The following HOOK1 variants were observed in gnomAD, a reference collection of about 807,000 sequenced individuals.
The protein encoded by HOOK1 is protein Hook homolog 1.
Under a neutral mutation model 112.8 loss-of-function variants are expected in HOOK1, and 60 were observed. The observed-to-expected ratio is 0.53, with a 90% confidence interval of 0.43 to 0.66. HOOK1 has a LOEUF of 0.66. HOOK1 is among the 30% of genes least tolerant of loss of function. The pLI is 0.00. For synonymous variants in HOOK1, 294 were observed against 283.8 expected (o/e 1.04, Z -0.36); for missense variants, 770 against 856.0 (o/e 0.90, Z 1.25).
rs76365562 is a variant in HOOK1, at chr1:59,847,864, G to A, written c.930-451G>A. Among the ~76,000 whole-genome samples, 465 of 151,712 alleles carry A rather than the reference G, an allele frequency of 3.1e-3. 4 individuals are homozygous for A. Among genetic ancestry groups the A allele is most frequent in the Non-Finnish European group, 2.1e-3 (141 of 67,670 alleles). On this transcript the variant is annotated intron_variant, in intron 10 of 21. Coordinates refer to ENST00000371208, the MANE Select transcript of HOOK1 (RefSeq NM_015888.6). Reference sequence around the variant, plus strand: ...AAGTCAGGTAAGCACAACTCCAAAGGGAAGTGCTTTGCCTGACAAGTTTAT... The same window carrying A: ...AAGTCAGGTAAGCACAACTCCAAAGAGAAGTGCTTTGCCTGACAAGTTTAT...
At chr1:59,830,283 T>C (rs1559045919) in intron 3 of HOOK1, among the ~76,000 whole-genome samples, 1 of 152,120 alleles carries the variant, frequency 6.6e-6, no homozygotes, top group African/African-American at 2.4e-5. Flanking sequence ...ATAGACTCTG[T>C]AGAGAGCCCT....
chr1:59,836,358 T>C (rs554235476), intron 6 of HOOK1, among the ~76,000 whole-genome samples: 1 of 152,190 alleles, frequency 6.6e-6, no homozygotes, highest in Non-Finnish European at 1.5e-5. Context: ...ACAGGACTTT[T>C]GTAGTCTGTA....
chr1:59,833,444 T>C lies in HOOK1; in HGVS notation c.313T>C (p.Leu105=). The change falls in exon 5 of 22, where the codon TTA becomes CTA. Residue 105 remains leucine (L), a synonymous_variant. Transcript: ENST00000371208. ...GATTTCAGAAGCACTTATCCCTGAT[T>C]TAAACCAAATAACCGAATGTTCAGA... ...QQISEALIPD[L]NQITECSDPV... 4 of 1,573,752 alleles carry C rather than the reference T, an allele frequency of 2.5e-6. No homozygotes were observed. Among genetic ancestry groups the C allele is most frequent in the Non-Finnish European group, 3.5e-6 (4 of 1,154,132 alleles).
intron 3 of HOOK1, among the ~76,000 whole-genome samples, chr1:59,831,566 A>G (rs1287101352): frequency 1.3e-5 from 2 of 152,278 alleles, no homozygotes; most frequent in East Asian, 3.9e-4. Flanking sequence ...TGCTCATTCC[A>G]TAGCTCCCAT....
chr1:59,868,403 A>G lies in HOOK1; in HGVS notation c.1947+52A>G, dbSNP rs765008648. 4 of 1,003,402 alleles carry G rather than the reference A, an allele frequency of 4.0e-6. No individual in the cohort carries two copies. The African/African-American group carries it at 4.9e-5, about 12-fold the overall frequency. The allele number at this position is 1,003,402 out of a possible 1,614,324, so 62.2% of individuals were successfully genotyped here. A position where few individuals can be genotyped will look rare whatever the true frequency, so the allele number is the denominator to read the frequency against. Reference sequence around the variant, plus strand: ...TTAGTTATTTTGTAGAATCCTGGTAATTAACTGCTGTCATATATTTGTCAT... The same window carrying G: ...TTAGTTATTTTGTAGAATCCTGGTAGTTAACTGCTGTCATATATTTGTCAT... On this transcript the variant is annotated intron_variant, in intron 20 of 21. Coordinates refer to ENST00000371208, the MANE Select transcript of HOOK1 (RefSeq NM_015888.6).
Position 59,840,329 on chromosome 1 carries a change from C to A in HOOK1, c.559C>A (p.Leu187Ile). Residue 187 changes from leucine (L) to isoleucine (I), a missense_variant, in exon 8 of 22, where the codon CTT (leucine) becomes ATT (isoleucine). Transcript: ENST00000371208. ...TCAGCTTAAAAGAGCCTTGGAAGAACTTCAGGAAGCACTAGCAGAAAAAGA... is the reference window on the plus strand; with the variant it reads ...TCAGCTTAAAAGAGCCTTGGAAGAAATTCAGGAAGCACTAGCAGAAAAAGA... ...EQQLKRALEE[L>I]QEALAEKEEL... The A allele has an allele frequency of 6.3e-7, 1 of 1,592,564 alleles. No homozygotes were observed.
At chr1:59,820,182 A>G (rs1167817022) in intron 1 of HOOK1, among the ~76,000 whole-genome samples, 1 of 152,218 alleles carries the variant, frequency 6.6e-6, no homozygotes, top group Non-Finnish European at 1.5e-5. Context: ...AGATTCTGAT[A>G]CATATTGTTT....
chr1:59,832,082 GT>G, intron 3 of HOOK1, 80 bp from the exon 4 acceptor site: 1 of 759,416 alleles, frequency 1.3e-6, no homozygotes, highest in Middle Eastern at 2.4e-4. Flanking sequence ...TTAGGGGAAA[GT>G]TTTTATTGTC....
intron 9 of HOOK1, among the ~76,000 whole-genome samples, chr1:59,845,043 TAGAC>T (rs1370061319): frequency 2.6e-5 from 4 of 151,964 alleles, no homozygotes; most frequent in African/African-American, 9.7e-5. Flanking sequence ...CAAAATACCT[TAGAC>T]AGGGTAATTT....
In HOOK1 at chr1:59,875,816, G is replaced by T. The variant is rs1177521568; in HGVS notation, c.*2851G>T. The T allele has an allele frequency of 2.0e-5, 3 of 152,222 alleles. No homozygotes were observed. Among genetic ancestry groups the T allele is most frequent in the Non-Finnish European group, 4.4e-5 (3 of 68,032 alleles). The allele number at this position is 152,222 out of a possible 1,614,324, so 9.4% of individuals were successfully genotyped here. A position where few individuals can be genotyped will look rare whatever the true frequency, so the allele number is the denominator to read the frequency against. On this transcript the variant is annotated 3_prime_UTR_variant, in exon 22 of 22. Transcript: ENST00000371208. ...GTTTATTTTTTCGATGAATAAGGCT[G>T]TCAAATGATTTAGTATAGATTAATG...
At chr1:59,872,563 G>GT (rs1644072708) in intron 21 of HOOK1, among the ~76,000 whole-genome samples, 1 of 152,100 alleles carries the variant, frequency 6.6e-6, no homozygotes, top group African/African-American at 2.4e-5. Flanking sequence ...TTAAGTTACT[G>GT]TTTTAAATAA....
intron 16 of HOOK1, among the ~76,000 whole-genome samples, chr1:59,864,152 T>C (rs992974070): frequency 6.6e-5 from 10 of 151,944 alleles, no homozygotes; most frequent in Non-Finnish European, 1.0e-4. Context: ...AGTTGCTTCA[T>C]TTTGGTGTTA....
chr1:59,823,428 G>C (rs2098387361), intron 2 of HOOK1, among the ~76,000 whole-genome samples: 3 of 152,220 alleles, frequency 2.0e-5, no homozygotes. Context: ...CTTTTCTCAT[G>C]ATTTGAGAAA....
At chr1:59,815,339 G>T in intron 1 of HOOK1, 159 bp downstream of exon 1, 1 of 675,156 alleles carries the variant, frequency 1.5e-6, no homozygotes, top group South Asian at 1.9e-5. Flanking sequence ...GCCACCTGCG[G>T]GTCGACGGGC....
At position 59,876,221 on chromosome 1, in the gene HOOK1, T is replaced by C. The variant is rs1644125063; in HGVS notation, c.*3256T>C. ...AGCTTATAAAAGGTCCTTTCTATTT[T>C]CTATGGCAAAGACTTTGACACTTGA... is the stretch of plus-strand genomic sequence containing the variant. On this transcript the variant is annotated 3_prime_UTR_variant, in exon 22 of 22. Transcript: ENST00000371208. The C allele has an allele frequency of 6.5e-6, 1 of 152,680 alleles. No individual in the cohort carries two copies. Among genetic ancestry groups the C allele is most frequent in the Non-Finnish European group, 1.5e-5 (1 of 68,042 alleles). 9.5% of individuals were successfully genotyped at this position (152,680 alleles called of 1,614,324 possible). A position where few individuals can be genotyped will look rare whatever the true frequency, so the allele number is the denominator to read the frequency against.
intron 8 of HOOK1, among the ~76,000 whole-genome samples, chr1:59,843,155 C>T (rs959211800): frequency 1.3e-5 from 2 of 151,576 alleles, no homozygotes; most frequent in Admixed American, 6.6e-5. Context: ...GACTTGAAAA[C>T]ATTTTCTTCC....
At chr1:59,832,499 A>T (rs2098394730) in intron 4 of HOOK1, among the ~76,000 whole-genome samples, 2 of 152,154 alleles carry the variant, frequency 1.3e-5, no homozygotes, top group Non-Finnish European at 2.9e-5. Flanking sequence ...TATAAAGTAG[A>T]CTTTATAATT....
Position 59,840,272 on chromosome 1 carries a change from A to G in HOOK1, c.538-36A>G. The G allele has an allele frequency of 2.8e-6, 4 of 1,437,260 alleles. No homozygotes were observed. In the South Asian group the frequency reaches 4.2e-5, roughly 15 times the overall value. 89.0% of individuals were successfully genotyped at this position (1,437,260 alleles called of 1,614,324 possible). On this transcript the variant is annotated intron_variant, in intron 7 of 21. Coordinates refer to ENST00000371208, the MANE Select transcript of HOOK1 (RefSeq NM_015888.6). ...TATTTTTCTATATTTGTGTCAAAAC[A>G]CGATTTACTAAGATTTAGGACATTT...
intron 7 of HOOK1, among the ~76,000 whole-genome samples, chr1:59,838,719 A>T (rs1181517119): frequency 6.6e-6 from 1 of 152,054 alleles, no homozygotes; most frequent in African/African-American, 2.4e-5. Context: ...CCCATTTGTC[A>T]ATTTTGGCTT....
Sources: gnomAD v4.1 joint callset for allele counts (sites outside exome capture counted in the v4.1 genomes callset) on GRCh38, gnomAD v4.1.1 for gene constraint, MANE v1.5 for transcripts, NCBI Gene and HGNC (gene_info 2026-07-23, HGNC 2026-07-21) for gene names.